The following CRB1 variants were observed in gnomAD, a reference collection of about 807,000 sequenced individuals.
The protein encoded by CRB1 is protein crumbs homolog 1.
In CRB1, 83 loss-of-function variants were observed where a neutral mutation model predicts 120.0. That is an observed-to-expected ratio of 0.69 (90% CI 0.58 to 0.83). CRB1 has a LOEUF of 0.83. CRB1 is among the 40% of genes least tolerant of loss of function. The probability of loss-of-function intolerance (pLI) is 0.00; values close to 1 mark genes in which losing one functional copy is unlikely to be tolerated. For missense variants in CRB1, 1,699 were observed against 1,687.6 expected, an observed-to-expected ratio of 1.01 and a Z score of -0.12; for synonymous variants, 625 against 612.5, an observed-to-expected ratio of 1.02 and a Z score of -0.30.
intron 4 of CRB1, among the ~76,000 whole-genome samples, chr1:197,348,639 G>A (rs796485673): frequency 3.3e-5 from 5 of 152,112 alleles, no homozygotes; most frequent in African/African-American, 1.2e-4. Context: ...ACCATGCCCG[G>A]CTAATTTTTT....
intron 1 of CRB1, among the ~76,000 whole-genome samples, chr1:197,309,755 A>AATAAATAC (rs1414725203): frequency 7.8e-6 from 1 of 127,958 alleles, no homozygotes; most frequent in Admixed American, 7.2e-5. Flanking sequence ...TACATCTCAA[A>AATAAATAC]ATAAATAAAT....
intron 1 of CRB1, among the ~76,000 whole-genome samples, chr1:197,311,951 A>C (rs1312842151): frequency 6.6e-6 from 1 of 152,124 alleles, no homozygotes; most frequent in African/African-American, 2.4e-5. Context: ...CTTTGTACAG[A>C]AACTTAAATT....
chr1:197,335,055 A>G (rs1358912894), intron 2 of CRB1, among the ~76,000 whole-genome samples: 2 of 152,228 alleles, frequency 1.3e-5, no homozygotes, highest in Non-Finnish European at 2.9e-5. Flanking sequence ...AAAGTTCTAA[A>G]GAGGAGAGGA....
intron 1 of CRB1, among the ~76,000 whole-genome samples, chr1:197,302,935 T>C (rs1179465001): frequency 6.6e-6 from 1 of 152,134 alleles, no homozygotes; most frequent in Non-Finnish European, 1.5e-5. Flanking sequence ...TCCAGATACT[T>C]TCCCAAGGCA....
chr1:197,413,949 A>G lies in CRB1; in HGVS notation c.1172-7051A>G, dbSNP rs146693212. The G allele has an allele frequency of 7.0e-4, 321 of 457,176 alleles. No homozygotes were observed. In the East Asian group the frequency reaches 0.02, roughly 28 times the overall value. The allele number at this position is 457,176 out of a possible 1,614,324, so 28.3% of individuals were successfully genotyped here. ...TGGATACCTCTTTTTTAACAGAAAG[A>G]TGTTTGGAGCCAGGACACATGGTTT... On this transcript the variant is annotated intron_variant, in intron 5 of 11. Coordinates refer to ENST00000367400, the MANE Select transcript of CRB1 (RefSeq NM_201253.3).
the CRB1 span, among the ~76,000 whole-genome samples, chr1:197,257,810 C>T: frequency 6.6e-6 from 1 of 152,190 alleles, no homozygotes; most frequent in South Asian, 2.1e-4. Flanking sequence ...CCACCTATTA[C>T]TTATCCTTCC....
At chr1:197,232,360 G>A in the CRB1 span, among the ~76,000 whole-genome samples, 6 of 152,078 alleles carry the variant, frequency 3.9e-5, no homozygotes, top group Admixed American at 6.6e-5. Context: ...GCCAACTGGT[G>A]GAAATGACAC....
At chr1:197,403,404 A>G (rs890894897) in intron 5 of CRB1, among the ~76,000 whole-genome samples, 7 of 152,182 alleles carry the variant, frequency 4.6e-5, no homozygotes, top group African/African-American at 1.7e-4. Flanking sequence ...GAATATGAGT[A>G]AAGGTTTGCT....
Position 197,427,457 on chromosome 1 carries a change from A to G in CRB1, c.2132A>G (p.Tyr711Cys), listed in dbSNP as rs1461058905. The G allele has an allele frequency of 2.5e-6, 4 of 1,613,466 alleles. No homozygotes were observed. In the South Asian group the frequency reaches 4.4e-5, roughly 18 times the overall value. Residue 711 changes from tyrosine (Y) to cysteine (C), a missense_variant, in exon 7 of 12, where the codon TAT becomes TGT. Coordinates refer to ENST00000367400, the MANE Select transcript of CRB1 (RefSeq NM_201253.3). Reference protein sequence around the residue: ...PYEGPNCLREYVAGRFGQDDS... With the variant: ...PYEGPNCLRECVAGRFGQDDS... ...CTCCTCTATTTTGACATTGAAGAGT[A>G]TGTGGCAGGCAGATTTGGCCAGGAT...
chr1:197,302,546 A>C (rs1036486958), intron 1 of CRB1, among the ~76,000 whole-genome samples: 1 of 152,184 alleles, frequency 6.6e-6, no homozygotes, highest in East Asian at 1.9e-4. Context: ...GCTAATATAC[A>C]CAAGATGGGG....
chr1:197,217,546 C>A, the CRB1 span, among the ~76,000 whole-genome samples: 2 of 151,994 alleles, frequency 1.3e-5, no homozygotes, highest in Non-Finnish European at 2.9e-5. Flanking sequence ...TGGAAACATG[C>A]TAAGAGAAAG....
intron 2 of CRB1, among the ~76,000 whole-genome samples, chr1:197,332,179 CAGCT>C (rs1188612582): frequency 6.6e-6 from 1 of 151,880 alleles, no homozygotes; most frequent in East Asian, 1.9e-4. Flanking sequence ...ACAAAAAAAA[CAGCT>C]AGAAAGAGTA....
the CRB1 span, among the ~76,000 whole-genome samples, chr1:197,252,725 G>T: frequency 6.7e-6 from 1 of 149,946 alleles, no homozygotes; most frequent in Admixed American, 6.7e-5. Flanking sequence ...CCTATGAACT[G>T]CATACTACAA....
intron 1 of CRB1, among the ~76,000 whole-genome samples, chr1:197,315,584 C>A (rs186304868): frequency 1.3e-5 from 2 of 152,190 alleles, no homozygotes; most frequent in African/African-American, 4.8e-5. Context: ...TATAGACTCT[C>A]TAAGAGTGAA....
At chr1:197,423,050 T>A (rs991101689) in intron 6 of CRB1, among the ~76,000 whole-genome samples, 7 of 152,082 alleles carry the variant, frequency 4.6e-5, no homozygotes, top group Admixed American at 2.0e-4. Context: ...CAAGTTGTTT[T>A]GTGATTTTTT....
chr1:197,296,719 G>T (rs1183669091), intron 1 of CRB1, among the ~76,000 whole-genome samples: 5 of 151,996 alleles, frequency 3.3e-5, no homozygotes, highest in Admixed American at 3.3e-4. Flanking sequence ...TGTCGGAGGG[G>T]CCTGGTGGGA....
the CRB1 span, among the ~76,000 whole-genome samples, chr1:197,248,413 T>C: frequency 1.3e-5 from 2 of 152,000 alleles, no homozygotes; most frequent in African/African-American, 4.8e-5. Flanking sequence ...AGGAAAATAC[T>C]ACCCAACATC....
intron 1 of CRB1, 44 bp from the exon 2 acceptor site, chr1:197,328,378 C>A: frequency 6.8e-7 from 1 of 1,476,608 alleles, no homozygotes; most frequent in South Asian, 1.2e-5. Context: ...TTAACTTTGT[C>A]CTCATTTATA....
the CRB1 span, among the ~76,000 whole-genome samples, chr1:197,225,631 C>G: frequency 1.3e-5 from 2 of 152,196 alleles, no homozygotes; most frequent in East Asian, 3.8e-4. Context: ...GGTCTGTGAT[C>G]TTGCTACACT....
Sources: gnomAD v4.1 joint callset for allele counts (sites outside exome capture counted in the v4.1 genomes callset) on GRCh38, gnomAD v4.1.1 for gene constraint, MANE v1.5 for transcripts, NCBI Gene and HGNC (gene_info 2026-07-23, HGNC 2026-07-21) for gene names.